The following ANKS1B variants were observed in gnomAD, a reference collection of about 807,000 sequenced individuals.
ANKS1B encodes the protein ankyrin repeat and sterile alpha motif domain containing 1B.
ANKS1B carries 36 observed loss-of-function variants against 148.3 expected under a neutral mutation model. That is an observed-to-expected ratio of 0.24 (90% CI 0.19 to 0.32). The LOEUF (loss-of-function observed/expected upper bound fraction) is 0.32. ANKS1B is among the 10% of genes least tolerant of loss of function. The pLI is 1.00. For missense variants in ANKS1B, 1,157 were observed against 1,542.6 expected (o/e 0.75, Z 4.19); for synonymous variants, 542 against 560.8 (o/e 0.97, Z 0.47).
intron 17 of ANKS1B, among the ~76,000 whole-genome samples, chr12:98,849,928 A>G (rs2099512855): frequency 6.6e-6 from 1 of 152,210 alleles, no homozygotes; most frequent in Non-Finnish European, 1.5e-5. Flanking sequence ...GGTCAAATAG[A>G]TGTATGTCTT....
At chr12:99,621,966 C>T (rs1375332823) in intron 9 of ANKS1B, among the ~76,000 whole-genome samples, 1 of 152,036 alleles carries the variant, frequency 6.6e-6, no homozygotes, top group East Asian at 1.9e-4. Context: ...TACCTGTCTA[C>T]ACATGGAACT....
At chr12:99,125,898 G>GA (rs142087668) in intron 15 of ANKS1B, among the ~76,000 whole-genome samples, 107 of 143,142 alleles carry the variant, frequency 7.5e-4, no homozygotes, top group East Asian at 1.2e-3. Context: ...TCTATAAAAA[G>GA]AAAAAAAAAA....
intron 8 of ANKS1B, among the ~76,000 whole-genome samples, chr12:99,717,379 C>T (rs1172379811): frequency 6.6e-6 from 1 of 152,214 alleles, no homozygotes; most frequent in East Asian, 1.9e-4. Flanking sequence ...CCAGCCACAT[C>T]TCCAGCATAC....
chr12:99,115,307 A>G (rs2061122259), intron 15 of ANKS1B, among the ~76,000 whole-genome samples: 1 of 152,210 alleles, frequency 6.6e-6, no homozygotes, highest in Non-Finnish European at 1.5e-5. Flanking sequence ...GAACAAGATC[A>G]TGTCTTTTGT....
At chr12:99,528,779 GAAT>G (rs2096957251) in intron 9 of ANKS1B, among the ~76,000 whole-genome samples, 1 of 152,146 alleles carries the variant, frequency 6.6e-6, no homozygotes, top group East Asian at 1.9e-4. Flanking sequence ...ACAAAGGGAA[GAAT>G]AATATGTGAT....
At chr12:99,434,469 C>T (rs1035451230) in intron 11 of ANKS1B, among the ~76,000 whole-genome samples, 1 of 151,884 alleles carries the variant, frequency 6.6e-6, no homozygotes, top group African/African-American at 2.4e-5. Context: ...ACAAGTTATC[C>T]TTACTAATAG....
intron 1 of ANKS1B, among the ~76,000 whole-genome samples, chr12:99,917,756 C>A (rs984990762): frequency 2.0e-5 from 3 of 152,316 alleles, no homozygotes; most frequent in Non-Finnish European, 4.4e-5. Context: ...AAGCTGATGG[C>A]CAAAAGGCTC....
chr12:98,848,485 T>A (rs1489530179), intron 17 of ANKS1B, among the ~76,000 whole-genome samples: 1 of 152,036 alleles, frequency 6.6e-6, no homozygotes, highest in Non-Finnish European at 1.5e-5. Context: ...ACATCGAAGT[T>A]TTTTCCACCC....
chr12:99,491,510 C>T (rs991882164), intron 10 of ANKS1B, among the ~76,000 whole-genome samples: 1 of 152,018 alleles, frequency 6.6e-6, no homozygotes, highest in Non-Finnish European at 1.5e-5. Flanking sequence ...GTATCCAATA[C>T]TTATTTATTC....
chr12:99,054,663 C>A (rs1441912761), intron 16 of ANKS1B, among the ~76,000 whole-genome samples: 1 of 152,106 alleles, frequency 6.6e-6, no homozygotes, highest in African/African-American at 2.4e-5. Flanking sequence ...CTCAGCCTCC[C>A]GAGTAGCTGG....
chr12:99,460,143 G>A (rs1388425523), intron 10 of ANKS1B, among the ~76,000 whole-genome samples: 1 of 151,972 alleles, frequency 6.6e-6, no homozygotes, highest in African/African-American at 2.4e-5. Context: ...CTTTGACAAA[G>A]CAAACAAAAA....
At chr12:99,631,820 G>A (rs541003793) in intron 9 of ANKS1B, among the ~76,000 whole-genome samples, 28 of 152,268 alleles carry the variant, frequency 1.8e-4, no homozygotes, top group Non-Finnish European at 3.1e-4. Flanking sequence ...AAGAGAGAAG[G>A]AGAATTGAAA....
chr12:98,925,921 A>G (rs1205871666), intron 17 of ANKS1B, among the ~76,000 whole-genome samples: 1 of 152,212 alleles, frequency 6.6e-6, no homozygotes, highest in Non-Finnish European at 1.5e-5. Flanking sequence ...AGCTTTCAGA[A>G]TAGTGACACT....
chr12:99,797,732 A>G (rs11830120), intron 4 of ANKS1B, among the ~76,000 whole-genome samples: 2,115 of 152,030 alleles, frequency 0.014, 57 homozygotes, highest in African/African-American at 0.048. Flanking sequence ...GAAATGATAT[A>G]TATGTTAACA....
chr12:99,724,376 C>T (rs868109350), intron 8 of ANKS1B, among the ~76,000 whole-genome samples: 2 of 152,148 alleles, frequency 1.3e-5, no homozygotes, highest in African/African-American at 4.8e-5. Flanking sequence ...TATCAATAGC[C>T]GAATCAACCA....
At chr12:99,707,312 T>C (rs1263376542) in intron 8 of ANKS1B, among the ~76,000 whole-genome samples, 1 of 152,112 alleles carries the variant, frequency 6.6e-6, no homozygotes, top group Non-Finnish European at 1.5e-5. Flanking sequence ...CATTCTGGGC[T>C]ACGTCATCCA....
chr12:98,969,367 A>G (rs1232192619), intron 17 of ANKS1B, among the ~76,000 whole-genome samples: 1 of 152,194 alleles, frequency 6.6e-6, no homozygotes, highest in African/African-American at 2.4e-5. Flanking sequence ...AATGGGCATG[A>G]TGAAATTTAA....
chr12:99,175,009 A>C (rs1331777698), intron 14 of ANKS1B, among the ~76,000 whole-genome samples: 4 of 152,166 alleles, frequency 2.6e-5, no homozygotes, highest in Non-Finnish European at 5.9e-5. Flanking sequence ...GTCTAAGATA[A>C]ATTTTTAAAA....
intron 11 of ANKS1B, among the ~76,000 whole-genome samples, chr12:99,410,027 T>C (rs1450186303): frequency 1.3e-5 from 2 of 152,218 alleles, no homozygotes; most frequent in African/African-American, 4.8e-5. Context: ...ACATATTTAC[T>C]TAGCAGGAGT....
Sources: allele counts gnomAD v4.1 joint callset (sites outside exome capture counted in the v4.1 genomes callset), GRCh38; gene constraint gnomAD v4.1.1; transcripts MANE v1.5; gene names NCBI Gene and HGNC (gene_info 2026-07-23, HGNC 2026-07-21).